ATP8A2: variants seen among roughly 807,000 people sequenced by gnomAD.
The protein encoded by ATP8A2 is phospholipid-transporting ATPase IB.
ATP8A2 carries 100 observed loss-of-function variants against 165.6 expected under a neutral mutation model. That is an observed-to-expected ratio of 0.60 (90% CI 0.51 to 0.71). The LOEUF (loss-of-function observed/expected upper bound fraction) is 0.71. Among genes scored for constraint, ATP8A2 ranks in the 30% least tolerant of loss-of-function variants. The pLI is 0.00. For missense variants in ATP8A2, 1,227 were observed against 1,479.5 expected (o/e 0.83, Z 2.80); for synonymous variants, 543 against 548.8 (o/e 0.99, Z 0.15).
intron 25 of ATP8A2, among the ~76,000 whole-genome samples, chr13:25,737,961 G>A (rs2043815345): frequency 6.6e-6 from 1 of 152,180 alleles, no homozygotes; most frequent in African/African-American, 2.4e-5. Context: ...TGGGATTACA[G>A]GCGTGAGCCA....
At chr13:25,841,038 C>T (rs886903385) in intron 30 of ATP8A2, among the ~76,000 whole-genome samples, 17 of 152,322 alleles carry the variant, frequency 1.1e-4, no homozygotes, top group African/African-American at 3.8e-4. Context: ...CATTTACTTA[C>T]CTGCTTCAAA....
intron 33 of ATP8A2, among the ~76,000 whole-genome samples, chr13:25,907,975 G>T (rs189355648): frequency 1.1e-4 from 17 of 152,248 alleles, no homozygotes; most frequent in African/African-American, 3.9e-4. Context: ...CTGTCCTGTT[G>T]GATTGCTTGT....
At chr13:25,382,790 G>C (rs138217658) in intron 1 of ATP8A2, among the ~76,000 whole-genome samples, 2,310 of 148,324 alleles carry the variant, frequency 0.016, 54 homozygotes, top group East Asian at 0.13. Flanking sequence ...GAGTCTCGCT[G>C]TGTCGCCCAG....
chr13:25,496,941 G>T (rs2036696410), intron 2 of ATP8A2, among the ~76,000 whole-genome samples: 1 of 152,154 alleles, frequency 6.6e-6, no homozygotes, highest in Non-Finnish European at 1.5e-5. Flanking sequence ...ATGTAAAGCT[G>T]CTCTGGGCAC....
intron 27 of ATP8A2, among the ~76,000 whole-genome samples, chr13:25,796,541 A>G (rs889281253): frequency 7.2e-5 from 11 of 152,318 alleles, no homozygotes; most frequent in Admixed American, 5.9e-4. Flanking sequence ...CTGAAATTAG[A>G]TGGGGACCTA....
At chr13:25,591,583 C>CTTTTTT (rs749798935) in intron 24 of ATP8A2, among the ~76,000 whole-genome samples, 1 of 131,838 alleles carries the variant, frequency 7.6e-6, no homozygotes, top group African/African-American at 2.9e-5. Flanking sequence ...TAGCTTATAA[C>CTTTTTT]TTTTTTTTTT....
Position 25,399,397 on chromosome 13 carries a change from CT to C in ATP8A2, c.76+27128del, listed in dbSNP as rs71077467. Among the ~76,000 whole-genome samples, 6 of 74,056 alleles carry C rather than the reference CT, an allele frequency of 8.1e-5. No homozygotes were observed. In the East Asian group the frequency reaches 1.3e-3, roughly 17 times the overall value. The allele number at this position is 74,056 out of a possible 152,430, so 48.6% of individuals were successfully genotyped here. On this transcript the variant is annotated intron_variant, in intron 1 of 36. Coordinates refer to ENST00000381655, the MANE Select transcript of ATP8A2 (RefSeq NM_016529.6). ...AGATCCTGATTTCTTAGTGGTTCTTCTTTTTTTTTTTTTTTTTTTGAGACGG... is the reference window on the plus strand; with the variant it reads ...AGATCCTGATTTCTTAGTGGTTCTTCTTTTTTTTTTTTTTTTTTGAGACGG...
chr13:25,379,809 A>G (rs2032774204), intron 1 of ATP8A2, among the ~76,000 whole-genome samples: 1 of 152,032 alleles, frequency 6.6e-6, no homozygotes, highest in African/African-American at 2.4e-5. Flanking sequence ...TCTGCTGTCC[A>G]TTTGTGCTGG....
At chr13:25,638,545 G>A (rs570822048) in intron 24 of ATP8A2, among the ~76,000 whole-genome samples, 1 of 152,264 alleles carries the variant, frequency 6.6e-6, no homozygotes, top group Admixed American at 6.5e-5. Context: ...AGCGAGAAGA[G>A]AAGTTTAGAG....
At position 25,465,737 on chromosome 13, in the gene ATP8A2, T is replaced by TTCCC. The variant is rs1380898105; in HGVS notation, c.77-3229_77-3226dup. Among the ~76,000 whole-genome samples the TTCCC allele has an allele frequency of 7.1e-4, 4 of 5,616 alleles. 1 individual carries two copies. Among genetic ancestry groups the TTCCC allele is most frequent in the East Asian group, 0.014 (2 of 142 alleles). The allele number at this position is 5,616 out of a possible 152,430, so 3.7% of individuals were successfully genotyped here. On this transcript the variant is annotated intron_variant, in intron 1 of 36. Transcript: ENST00000381655. ...TTTCTTTCTTTCTTTCTTTCTTTCT[T>TTCCC]TCCCTCCCTCCCTCTCTCTCTCTCT... is the stretch of plus-strand genomic sequence containing the variant.
intron 33 of ATP8A2, among the ~76,000 whole-genome samples, chr13:25,954,836 A>T (rs1307248056): frequency 6.6e-6 from 1 of 152,214 alleles, no homozygotes; most frequent in African/African-American, 2.4e-5. Context: ...CAAAAACCCC[A>T]TCTGAAGGTC....
chr13:25,546,800 A>G (rs923030302), intron 10 of ATP8A2, among the ~76,000 whole-genome samples: 63 of 152,312 alleles, frequency 4.1e-4, no homozygotes, highest in Non-Finnish European at 7.5e-4. Context: ...AGAGTCTCCT[A>G]GTAACCCAAG....
chr13:25,667,528 C>T (rs1424340837), intron 24 of ATP8A2, among the ~76,000 whole-genome samples: 1 of 152,128 alleles, frequency 6.6e-6, no homozygotes, highest in African/African-American at 2.4e-5. Context: ...TCCACTTTGA[C>T]CTTCTTTCCC....
In ATP8A2 at chr13:25,533,274, G is replaced by A; in HGVS notation, c.468G>A (p.Val156=). ...DNAVNKKKTI[V]LRNGMWHTIM... ...ATATTTTATTTTTCTCTTTTTCAGTGTTAAGAAATGGTATGTGGCATACCA... is the reference window on the plus strand; with the variant it reads ...ATATTTTATTTTTCTCTTTTTCAGTATTAAGAAATGGTATGTGGCATACCA... Residue 156 remains valine (V), a splice_region_variant and synonymous_variant, in exon 6 of 37, where the codon GTG becomes GTA. Transcript: ENST00000381655. 6.7e-7 allele frequency: 1 copy of A among 1,482,260 alleles called. No homozygotes were observed. Among genetic ancestry groups the A allele is most frequent in the Non-Finnish European group, 9.4e-7 (1 of 1,066,266 alleles). The allele number at this position is 1,482,260 out of a possible 1,614,324, so 91.8% of individuals were successfully genotyped here.
intron 33 of ATP8A2, among the ~76,000 whole-genome samples, chr13:25,892,478 G>GTCTC (rs144283908): frequency 0.013 from 1,729 of 136,234 alleles, 43 homozygotes; most frequent in African/African-American, 0.041. Context: ...CTGTCTCTCT[G>GTCTC]TCTCTCTCTC....
intron 33 of ATP8A2, among the ~76,000 whole-genome samples, chr13:25,897,698 A>AC: frequency 6.6e-6 from 1 of 152,220 alleles, no homozygotes; most frequent in African/African-American, 2.4e-5. Context: ...TGGTCTTTTC[A>AC]CATAGTCCCA....
intron 2 of ATP8A2, among the ~76,000 whole-genome samples, chr13:25,494,631 G>A (rs2036620676): frequency 6.6e-6 from 1 of 152,196 alleles, no homozygotes; most frequent in Non-Finnish European, 1.5e-5. Flanking sequence ...GCGCGTTGCT[G>A]TTGTTCTGAT....
At chr13:25,427,071 G>A (rs1470201271) in intron 1 of ATP8A2, among the ~76,000 whole-genome samples, 1 of 152,202 alleles carries the variant, frequency 6.6e-6, no homozygotes, top group Non-Finnish European at 1.5e-5. Flanking sequence ...GAGTATGTGG[G>A]AACTCTCTAC....
At chr13:25,418,698 A>G (rs2034207026) in intron 1 of ATP8A2, among the ~76,000 whole-genome samples, 1 of 151,944 alleles carries the variant, frequency 6.6e-6, no homozygotes, top group Non-Finnish European at 1.5e-5. Flanking sequence ...GTCTACAGAC[A>G]AGGATGATTT....
Sources: gnomAD v4.1 joint callset for allele counts (sites outside exome capture counted in the v4.1 genomes callset) on GRCh38, gnomAD v4.1.1 for gene constraint, MANE v1.5 for transcripts, NCBI Gene and HGNC (gene_info 2026-07-23, HGNC 2026-07-21) for gene names.